STARD13: variants seen among roughly 807,000 people sequenced by gnomAD.
The protein encoded by STARD13 is StAR related lipid transfer domain containing 13.
A neutral mutation model predicts 106.4 loss-of-function variants in STARD13; 62 were observed. The observed-to-expected ratio is 0.58, with a 90% CI of 0.48 to 0.72. The LOEUF (loss-of-function observed/expected upper bound fraction) is 0.72, where lower values mean the gene tolerates loss of function less well. Ranked by LOEUF, STARD13 falls within the 30% of genes least tolerant of loss-of-function variation. The pLI is 0.00. For missense variants in STARD13, 1,387 were observed against 1,424.0 expected (o/e 0.97, Z 0.42); for synonymous variants, 565 against 553.0 (o/e 1.02, Z -0.31).
chr13:33,275,523 TTAAG>T (rs1315954365), intron 1 of STARD13, among the ~76,000 whole-genome samples: 1 of 152,126 alleles, frequency 6.6e-6, no homozygotes, highest in Non-Finnish European at 1.5e-5. Flanking sequence ...CTAAGAAACA[TTAAG>T]TGACTCGTCC....
the STARD13 span, among the ~76,000 whole-genome samples, chr13:33,533,865 C>T: frequency 6.6e-6 from 1 of 152,218 alleles, no homozygotes; most frequent in African/African-American, 2.4e-5. Flanking sequence ...GTTAATTATG[C>T]TCTTCTCTGC....
chr13:33,592,336 T>G, the STARD13 span, among the ~76,000 whole-genome samples: 2 of 152,218 alleles, frequency 1.3e-5, no homozygotes, highest in African/African-American at 4.8e-5. Context: ...TTGTATAATA[T>G]GTTTATTTGT....
At chr13:33,653,739 T>C in the STARD13 span, among the ~76,000 whole-genome samples, 1 of 152,074 alleles carries the variant, frequency 6.6e-6, no homozygotes, top group Admixed American at 6.5e-5. Flanking sequence ...AGTGAAAAGA[T>C]AAACCACAAA....
chr13:33,500,726 A>G, the STARD13 span, among the ~76,000 whole-genome samples: 1 of 152,288 alleles, frequency 6.6e-6, no homozygotes, highest in Non-Finnish European at 1.5e-5. Context: ...AAGAGCTGCC[A>G]AGTATTATTA....
chr13:33,294,357 T>C (rs1032761080), intron 1 of STARD13, among the ~76,000 whole-genome samples: 1 of 152,220 alleles, frequency 6.6e-6, no homozygotes, highest in African/African-American at 2.4e-5. Context: ...TTCTAGCTTA[T>C]ATTTTTTCCA....
intron 3 of STARD13, among the ~76,000 whole-genome samples, chr13:33,154,220 TCAG>T (rs2138298231): frequency 6.6e-6 from 1 of 152,208 alleles, no homozygotes; most frequent in South Asian, 2.1e-4. Flanking sequence ...AAGTCAGAAG[TCAG>T]CAGGTGGTGT....
chr13:33,547,364 A>C, the STARD13 span, among the ~76,000 whole-genome samples: 1 of 152,252 alleles, frequency 6.6e-6, no homozygotes, highest in Non-Finnish European at 1.5e-5. Flanking sequence ...TTCCTACTGT[A>C]CAAAATTTTA....
At chr13:33,502,967 C>T in the STARD13 span, among the ~76,000 whole-genome samples, 1 of 152,186 alleles carries the variant, frequency 6.6e-6, no homozygotes, top group Non-Finnish European at 1.5e-5. Flanking sequence ...GTACCAGCTC[C>T]TCTTTGTACC....
chr13:33,395,312 G>T, the STARD13 span, among the ~76,000 whole-genome samples: 11 of 152,078 alleles, frequency 7.2e-5, no homozygotes, highest in Non-Finnish European at 1.6e-4. Context: ...GGTAAAATGG[G>T]CTCAGAGTGG....
At chr13:33,338,884 C>CAAAAA (rs748411311) in intron 1 of STARD13, among the ~76,000 whole-genome samples, 13 of 120,224 alleles carry the variant, frequency 1.1e-4, no homozygotes, top group Admixed American at 1.8e-4. Context: ...GACTCCGTCT[C>CAAAAA]AAAAAAAAAA....
the STARD13 span, among the ~76,000 whole-genome samples, chr13:33,479,781 T>C: frequency 6.6e-6 from 1 of 152,150 alleles, no homozygotes; most frequent in Admixed American, 6.5e-5. Context: ...TAGTGAATTC[T>C]CGTGAGATCT....
rs527250390 is a variant in STARD13 at position 33,109,299 on chromosome 13, A to G, written c.3047+574T>C. Among the ~76,000 whole-genome samples the G allele has an allele frequency of 1.4e-3, 214 of 152,322 alleles. 1 individual carries two copies. Among genetic ancestry groups the G allele is most frequent in the African/African-American group, 5.0e-3 (207 of 41,568 alleles). On this transcript the variant is annotated intron_variant, in intron 12 of 13. Transcript: ENST00000336934. ...GCATCCCCTTCCAAACCCCAAGAAC[A>G]GGGGTCTGGAACTCAACCCTTACAT... is the stretch of plus-strand genomic sequence containing the variant.
chr13:33,307,392 A>G (rs1379455240), intron 1 of STARD13, among the ~76,000 whole-genome samples: 2 of 152,340 alleles, frequency 1.3e-5, no homozygotes, highest in Admixed American at 1.3e-4. Flanking sequence ...CACAATAGCA[A>G]AGACATGGAA....
the STARD13 span, among the ~76,000 whole-genome samples, chr13:33,641,971 T>G: frequency 6.6e-6 from 1 of 152,350 alleles, no homozygotes; most frequent in East Asian, 1.9e-4. Flanking sequence ...CAATGATAGA[T>G]ACAACTATTA....
At chr13:33,318,666 G>T (rs1893434219) in intron 1 of STARD13, among the ~76,000 whole-genome samples, 1 of 152,020 alleles carries the variant, frequency 6.6e-6, no homozygotes, top group African/African-American at 2.4e-5. Flanking sequence ...TGCAAATCAT[G>T]TATCTGATAA....
At chr13:33,434,784 T>C in the STARD13 span, among the ~76,000 whole-genome samples, 1 of 152,142 alleles carries the variant, frequency 6.6e-6, no homozygotes, top group African/African-American at 2.4e-5. Context: ...CAAATGTTTT[T>C]GAGCACCTGT....
chr13:33,424,143 T>C, the STARD13 span, among the ~76,000 whole-genome samples: 1 of 151,924 alleles, frequency 6.6e-6, no homozygotes, highest in Admixed American at 6.6e-5. Context: ...AAATCTGTTA[T>C]ACCAAAACAA....
chr13:33,342,753 A>AT (rs1429458988), intron 1 of STARD13, among the ~76,000 whole-genome samples: 1 of 152,224 alleles, frequency 6.6e-6, no homozygotes, highest in Non-Finnish European at 1.5e-5. Flanking sequence ...TCTATCACAA[A>AT]AGATTATGTA....
At chr13:33,522,562 C>G in the STARD13 span, among the ~76,000 whole-genome samples, 1 of 152,162 alleles carries the variant, frequency 6.6e-6, no homozygotes, top group Non-Finnish European at 1.5e-5. Flanking sequence ...CCACCTAACT[C>G]CAGCACTCAC....
Sources: gnomAD v4.1 joint callset for allele counts (sites outside exome capture counted in the v4.1 genomes callset) on GRCh38, gnomAD v4.1.1 for gene constraint, MANE v1.5 for transcripts, NCBI Gene and HGNC (gene_info 2026-07-23, HGNC 2026-07-21) for gene names.